Variants in DBH observed in about 807,000 individuals in gnomAD.
DBH encodes the protein dopamine beta-hydroxylase, also known as dopamine beta-hydroxylase (dopamine beta-monooxygenase).
A neutral mutation model predicts 64.0 loss-of-function variants in DBH; 49 were observed. That is an observed-to-expected ratio of 0.77 (90% CI 0.61 to 0.97). The LOEUF (loss-of-function observed/expected upper bound fraction) is 0.97, where lower values mean the gene tolerates loss of function less well. Ranked by LOEUF, DBH falls within the 50% of genes least tolerant of loss-of-function variation. The pLI is 0.00. For missense variants in DBH, 828 were observed against 826.6 expected (o/e 1.00, Z -0.02); for synonymous variants, 343 against 347.1 (o/e 0.99, Z 0.13).
intron 6 of DBH, 40 bp from the exon 7 acceptor site, chr9:133,651,594 G>C (rs768907192): frequency 2.5e-6 from 4 of 1,611,490 alleles, no homozygotes; most frequent in Non-Finnish European, 3.4e-6. Context: ...GGGTCCCCTC[G>C]GGGGTCAGGC....
chr9:133,650,736 C>T (rs189427904), intron 6 of DBH, among the ~76,000 whole-genome samples: 224 of 151,766 alleles, frequency 1.5e-3, no homozygotes, highest in African/African-American at 4.9e-3. Flanking sequence ...TTAGTAGAGG[C>T]GGGGTTTTAC....
chr9:133,656,445 G>T (rs1256804063), intron 9 of DBH, 78 bp from the exon 10 acceptor site: 3 of 1,600,340 alleles, frequency 1.9e-6, no homozygotes, highest in Non-Finnish European at 2.6e-6. Context: ...CAGTGTACAC[G>T]TGGGTGCGGC....
At chr9:133,646,720 C>T (rs1026986178) in intron 5 of DBH, among the ~76,000 whole-genome samples, 12 of 152,164 alleles carry the variant, frequency 7.9e-5, no homozygotes, top group African/African-American at 1.7e-4. Flanking sequence ...GACAGGGTTT[C>T]GCCATGTTGG....
At chr9:133,646,153 A>G (rs2131287573) in intron 5 of DBH, among the ~76,000 whole-genome samples, 1 of 152,010 alleles carries the variant, frequency 6.6e-6, no homozygotes, top group East Asian at 1.9e-4. Context: ...CTAGAATTTT[A>G]TATCTTTTTT....
At chr9:133,639,481 G>C (rs1832091129) in intron 1 of DBH, among the ~76,000 whole-genome samples, 1 of 152,146 alleles carries the variant, frequency 6.6e-6, no homozygotes, top group Non-Finnish European at 1.5e-5. Context: ...CAGTCTTGAG[G>C]AGGCCTTGGG....
At chr9:133,652,823 G>A in intron 8 of DBH, 117 bp from the exon 9 acceptor site, 1 of 761,598 alleles carries the variant, frequency 1.3e-6, no homozygotes, top group Non-Finnish European at 2.4e-6. Context: ...GGACGACAGG[G>A]ACTGTACCCC....
At chr9:133,647,331 G>A (rs1383604407) in intron 5 of DBH, among the ~76,000 whole-genome samples, 1 of 152,182 alleles carries the variant, frequency 6.6e-6, no homozygotes, top group African/African-American at 2.4e-5. Flanking sequence ...CTGTGCCATC[G>A]GCAGATGGGA....
Position 133,658,509 on chromosome 9 carries a change from A to T in DBH, c.*62A>T. 4 of 1,508,284 alleles carry T rather than the reference A, an allele frequency of 2.7e-6. No homozygotes were observed. The South Asian group carries it at 5.3e-5, about 20-fold the overall frequency. The allele number at this position is 1,508,284 out of a possible 1,614,324, so 93.4% of individuals were successfully genotyped here. A position where few individuals can be genotyped will look rare whatever the true frequency, so the allele number is the denominator to read the frequency against. On this transcript the variant is annotated 3_prime_UTR_variant, in exon 12 of 12. Coordinates refer to ENST00000393056, the MANE Select transcript of DBH (RefSeq NM_000787.4). Reference sequence around the variant, plus strand: ...CTGTGGGCTCACACCGGCACTGTGCACTCTACTCTGCGACGATCCCCATGG... The same window carrying T: ...CTGTGGGCTCACACCGGCACTGTGCTCTCTACTCTGCGACGATCCCCATGG...
chr9:133,657,417 A>AGAGGGAG, intron 11 of DBH, 188 bp downstream of exon 11: 1 of 37,468 alleles, frequency 2.7e-5, no homozygotes, highest in Non-Finnish European at 4.9e-5. Context: ...AGGAGAGAGG[A>AGAGGGAG]GAGAGAGGAG....
At chr9:133,642,161 T>C in intron 2 of DBH, 46 bp from the exon 3 acceptor site, 1 of 1,608,362 alleles carries the variant, frequency 6.2e-7, no homozygotes, top group East Asian at 2.2e-5. Context: ...AGCCCAACTC[T>C]GGGGGCTCTG....
chr9:133,639,172 C>A (rs909321629), intron 1 of DBH, among the ~76,000 whole-genome samples: 3 of 150,220 alleles, frequency 2.0e-5, no homozygotes, highest in African/African-American at 7.4e-5. Flanking sequence ...GCAGGAGGAC[C>A]GCTTGAGGCC....
intron 5 of DBH, among the ~76,000 whole-genome samples, chr9:133,644,910 A>G (rs1025242164): frequency 6.6e-6 from 1 of 152,036 alleles, no homozygotes; most frequent in Non-Finnish European, 1.5e-5. Flanking sequence ...TTGCACCAGC[A>G]TCTTTCACCA....
At chr9:133,649,788 T>G (rs1832222968) in intron 6 of DBH, among the ~76,000 whole-genome samples, 1 of 152,314 alleles carries the variant, frequency 6.6e-6, no homozygotes, top group Admixed American at 6.5e-5. Context: ...CAGCACTCAC[T>G]GCCCCTTGCA....
rs267606761 is a variant in DBH at position 133,647,854 on chromosome 9, G to A, written c.1033G>A (p.Asp345Asn). The part of the protein sequence containing the change: ...HNPLVIEGRN[D>N]SSGIRLYYTA... ...ATCCCACCTTCTCCCAGGACGAAAC[G>A]ACTCCTCAGGCATCCGCTTGTACTA... The change falls in exon 6 of 12, where the codon GAC (aspartate) becomes AAC (asparagine). Residue 345 changes from aspartate (D) to asparagine (N), a missense_variant. Coordinates refer to ENST00000393056, the MANE Select transcript of DBH (RefSeq NM_000787.4). The A allele has an allele frequency of 1.3e-4, 211 of 1,614,046 alleles. No individual in the cohort carries two copies. Among genetic ancestry groups the A allele is most frequent in the Non-Finnish European group, 1.6e-4 (191 of 1,180,048 alleles).
chr9:133,638,734 T>G (rs939205786), intron 1 of DBH, among the ~76,000 whole-genome samples: 1 of 152,220 alleles, frequency 6.6e-6, no homozygotes, highest in African/African-American at 2.4e-5. Flanking sequence ...TAAACAACTC[T>G]GACCATCTGT....
At chr9:133,657,417 A>AGAGAG (rs1241873593) in intron 11 of DBH, 188 bp downstream of exon 11, 4 of 37,504 alleles carry the variant, frequency 1.1e-4, no homozygotes, top group Non-Finnish European at 2.0e-4. Context: ...AGGAGAGAGG[A>AGAGAG]GAGAGAGGAG....
intron 11 of DBH, 100 bp downstream of exon 11, chr9:133,657,329 G>A: frequency 6.9e-7 from 1 of 1,445,812 alleles, no homozygotes; most frequent in Non-Finnish European, 9.6e-7. Flanking sequence ...GCTGGCAAAA[G>A]CACTCGCACA....
At position 133,642,456 on chromosome 9, in the gene DBH, A is replaced by G. The variant is rs983397516; in HGVS notation, c.736A>G (p.Ile246Val). The G allele has an allele frequency of 9.9e-6, 16 of 1,609,958 alleles. No individual in the cohort carries two copies. The highest frequency in any genetic ancestry group is 1.4e-5 in the Non-Finnish European group (16 of 1,178,222). ...TCCAAAGGGCTTCTCTCGGCACCAC[A>G]TTATCAAGGTACGTGCGGGTCCAGG... ...ELPKGFSRHH[I>V]IKYEPIVTKG... is the part of the protein sequence containing the mutation. Residue 246 changes from isoleucine to valine, a missense_variant, in exon 3 of 12, where the codon ATT becomes GTT. Physicochemically the swap from Ile to Val is conservative, Grantham distance 29. Transcript: ENST00000393056.
Position 133,658,497 on chromosome 9 carries a change from C to A in DBH, c.*50C>A. 8 of 1,553,412 alleles carry A rather than the reference C, an allele frequency of 5.1e-6. No homozygotes were observed. The highest frequency in any genetic ancestry group is 7.0e-6 in the Non-Finnish European group (8 of 1,147,802). ...TCCATGCTGTCCCTGTGGGCTCACA[C>A]CGGCACTGTGCACTCTACTCTGCGA... On this transcript the variant is annotated 3_prime_UTR_variant, in exon 12 of 12. Coordinates refer to ENST00000393056, the MANE Select transcript of DBH (RefSeq NM_000787.4).
Sources: allele counts gnomAD v4.1 joint callset (sites outside exome capture counted in the v4.1 genomes callset), GRCh38; gene constraint gnomAD v4.1.1; transcripts MANE v1.5; gene names NCBI Gene and HGNC (gene_info 2026-07-23, HGNC 2026-07-21).